CDC14B: variants seen among roughly 807,000 people sequenced by gnomAD.
The protein encoded by CDC14B is dual specificity protein phosphatase CDC14B.
A neutral mutation model predicts 64.2 loss-of-function variants in CDC14B; 22 were observed. That is an observed-to-expected ratio of 0.34 (90% CI 0.24 to 0.49). The LOEUF is 0.49. CDC14B is among the 20% of genes least tolerant of loss of function. CDC14B has a pLI of 0.99. For missense variants in CDC14B, 498 were observed against 629.9 expected, an observed-to-expected ratio of 0.79 and a Z score of 2.24; for synonymous variants, 191 against 215.8, an observed-to-expected ratio of 0.89 and a Z score of 1.01.
intron 4 of CDC14B, among the ~76,000 whole-genome samples, chr9:96,553,604 G>A (rs1296790285): frequency 6.6e-6 from 1 of 151,754 alleles, no homozygotes; most frequent in Non-Finnish European, 1.5e-5. Flanking sequence ...CAGGTGATCC[G>A]CCTGCCTCGG....
intron 1 of CDC14B, among the ~76,000 whole-genome samples, chr9:96,577,604 G>A (rs1484724332): frequency 5.3e-5 from 8 of 152,160 alleles, no homozygotes; most frequent in Admixed American, 4.6e-4. Flanking sequence ...ACAGAGGTGA[G>A]AATGCCACTC....
At chr9:96,536,833 A>G (rs181275437) in intron 7 of CDC14B, among the ~76,000 whole-genome samples, 25 of 152,310 alleles carry the variant, frequency 1.6e-4, no homozygotes, top group Non-Finnish European at 1.2e-4. Context: ...CTGGGCTGAA[A>G]AGGGCTTTAG....
At chr9:96,523,803 T>A (rs1837147899) in intron 9 of CDC14B, 78 bp from the exon 10 acceptor site, 21 of 1,449,730 alleles carry the variant, frequency 1.4e-5, no homozygotes, top group Non-Finnish European at 1.9e-5. Context: ...AGAATTTTTT[T>A]AAAAGGCTTC....
intron 1 of CDC14B, among the ~76,000 whole-genome samples, chr9:96,569,513 T>TC (rs796879236): frequency 2.6e-5 from 4 of 152,316 alleles, no homozygotes; most frequent in African/African-American, 9.6e-5. Flanking sequence ...TGTGCAATTA[T>TC]CTCTACATAA....
chr9:96,576,869 G>T (rs1844841980), intron 1 of CDC14B, among the ~76,000 whole-genome samples: 1 of 152,168 alleles, frequency 6.6e-6, no homozygotes, highest in Non-Finnish European at 1.5e-5. Context: ...GTATTCAGTT[G>T]TCATGTGTTA....
chr9:96,504,904 G>A (rs183114116), intron 13 of CDC14B, among the ~76,000 whole-genome samples: 4 of 152,272 alleles, frequency 2.6e-5, no homozygotes, highest in Admixed American at 2.0e-4. Context: ...GCCGGGCGCC[G>A]TGGCTCACAC....
At chr9:96,558,216 A>G (rs1842737114) in intron 4 of CDC14B, among the ~76,000 whole-genome samples, 1 of 152,212 alleles carries the variant, frequency 6.6e-6, no homozygotes, top group African/African-American at 2.4e-5. Flanking sequence ...GTTAGAATGA[A>G]CAAGTTCTAG....
At chr9:96,611,887 T>G (rs1050903358) in intron 1 of CDC14B, among the ~76,000 whole-genome samples, 4 of 152,208 alleles carry the variant, frequency 2.6e-5, no homozygotes, top group Non-Finnish European at 5.9e-5. Context: ...ATTCTATCAG[T>G]AAATAATTTC....
At chr9:96,570,450 A>C (rs1295826791) in intron 1 of CDC14B, among the ~76,000 whole-genome samples, 2 of 152,182 alleles carry the variant, frequency 1.3e-5, no homozygotes. Flanking sequence ...CAGCTTCCCT[A>C]CAGCTAGGGG....
downstream of CDC14B, among the ~76,000 whole-genome samples, chr9:96,496,626 C>A (rs1001245676): frequency 6.6e-6 from 1 of 152,196 alleles, no homozygotes; most frequent in African/African-American, 2.4e-5. Flanking sequence ...CGTCTCCCTC[C>A]GGCTGGGTCC....
At chr9:96,519,533 C>T (rs565464586) in intron 12 of CDC14B, among the ~76,000 whole-genome samples, 121 of 152,028 alleles carry the variant, frequency 8.0e-4, no homozygotes, top group Non-Finnish European at 1.1e-3. Flanking sequence ...GTCAGGATTT[C>T]GAGACCAGCC....
At position 96,598,246 on chromosome 9, in the gene CDC14B, GA is replaced by G. The variant is rs150793754; in HGVS notation, c.160+20972del. Among the ~76,000 whole-genome samples, 265 of 152,316 alleles carry G rather than the reference GA, an allele frequency of 1.7e-3. 2 individuals carry two copies. Among genetic ancestry groups the G allele is most frequent in the African/African-American group, 6.1e-3 (252 of 41,574 alleles). On this transcript the variant is annotated intron_variant, in intron 1 of 13. Coordinates refer to ENST00000375241, the MANE Select transcript of CDC14B (RefSeq NM_033331.4). ...CTATACTCATAAGAGAAATACAAAT[GA>G]AAACTACATTGAGACTATAATTTTC...
chr9:96,533,968 A>G lies in CDC14B; in HGVS notation c.905T>C (p.Ile302Thr), dbSNP rs16911114. 2.8e-3 allele frequency: 4,572 copies of G among 1,613,068 alleles called. 95 individuals carry two copies. The African/African-American group carries it at 0.049, about 17-fold the overall frequency. The change falls in exon 9 of 14, where the codon ATC becomes ACC. Residue 302 changes from isoleucine to threonine, a missense_variant. Transcript: ENST00000375241. The stretch of plus-strand genomic sequence containing the variant: ...AATGGCACCCTCAGCATTTTCACAG[A>G]TATCTAGGAATTCTTTGACAATGGC... ...TDAIVKEFLD[I>T]CENAEGAIAV...
chr9:96,543,383 T>G (rs1840364657), intron 5 of CDC14B, among the ~76,000 whole-genome samples: 1 of 152,138 alleles, frequency 6.6e-6, no homozygotes, highest in South Asian at 2.1e-4. Context: ...TTCTCACCTT[T>G]TTGGCCTCCC....
Position 96,614,178 on chromosome 9 carries a change from C to G in CDC14B, c.160+5041G>C, listed in dbSNP as rs533194075. On this transcript the variant is annotated intron_variant, in intron 1 of 13. Transcript: ENST00000375241. ...GGTAAAGAAATTTAACACAAACCAC[C>G]AAGAATCTTTTAGCCAGTAGCTATT... Among the ~76,000 whole-genome samples, 16 of 152,022 alleles carry G rather than the reference C, an allele frequency of 1.1e-4. No individual in the cohort carries two copies. In the South Asian group the frequency reaches 3.1e-3, roughly 30 times the overall value.
intron 1 of CDC14B, among the ~76,000 whole-genome samples, chr9:96,599,183 C>T (rs1324481517): frequency 6.6e-6 from 1 of 152,044 alleles, no homozygotes; most frequent in Non-Finnish European, 1.5e-5. Flanking sequence ...AGTTCAAGAC[C>T]AACTTGGCCA....
intron 1 of CDC14B, among the ~76,000 whole-genome samples, chr9:96,615,677 G>A (rs1036153827): frequency 2.0e-5 from 3 of 152,208 alleles, no homozygotes; most frequent in African/African-American, 7.2e-5. Context: ...TTCGGAAAAA[G>A]AGTCTGACAG....
intron 4 of CDC14B, among the ~76,000 whole-genome samples, chr9:96,555,997 C>T (rs1296866706): frequency 2.6e-5 from 4 of 152,082 alleles, no homozygotes; most frequent in African/African-American, 4.8e-5. Context: ...AGCTGCATTA[C>T]TTCTCCTTTC....
chr9:96,541,828 T>C lies in CDC14B; in HGVS notation c.562A>G (p.Lys188Glu). Reference protein sequence around the residue: ...TLLDCFHAVKKAMQYGFLNFN... With the variant: ...TLLDCFHAVKEAMQYGFLNFN... ...GGTGCATCCTACATGTCACTCACCT[T>C]CTTTACTGCATGAAAACAGTCAAGA... Residue 188 changes from lysine to glutamate, a missense_variant and splice_region_variant, in exon 6 of 14, where the codon AAG becomes GAG. Physicochemically the swap from Lys to Glu is moderately conservative, Grantham distance 56. Coordinates refer to ENST00000375241, the MANE Select transcript of CDC14B (RefSeq NM_033331.4). The C allele has an allele frequency of 6.2e-7, 1 of 1,602,408 alleles. No individual in the cohort carries two copies.
Sources: gnomAD v4.1 joint callset for allele counts (sites outside exome capture counted in the v4.1 genomes callset) on GRCh38, gnomAD v4.1.1 for gene constraint, MANE v1.5 for transcripts, NCBI Gene and HGNC (gene_info 2026-07-23, HGNC 2026-07-21) for gene names.